Variants in NLN observed in about 807,000 individuals in gnomAD.
NLN encodes neurolysin, mitochondrial.
In NLN, 64 loss-of-function variants were observed where a neutral mutation model predicts 79.9. The observed-to-expected ratio is 0.80, with a 90% CI of 0.65 to 0.99. The LOEUF (loss-of-function observed/expected upper bound fraction) is 0.99, where lower values mean the gene tolerates loss of function less well. Among genes scored for constraint, NLN ranks in the 50% least tolerant of loss-of-function variants. NLN has a pLI of 0.00. For synonymous variants in NLN, 267 were observed against 296.6 expected, an observed-to-expected ratio of 0.90 and a Z score of 1.02; for missense variants, 835 against 858.7, an observed-to-expected ratio of 0.97 and a Z score of 0.34.
At chr5:65,820,722 T>TTTG (rs1554035365) in intron 12 of NLN, among the ~76,000 whole-genome samples, 24 of 151,216 alleles carry the variant, frequency 1.6e-4, no homozygotes, top group African/African-American at 3.4e-4. Context: ...ACATGTTTTT[T>TTTG]TTTGTTTGTT....
At chr5:65,798,179 T>A (rs1419307334) in intron 9 of NLN, among the ~76,000 whole-genome samples, 1 of 152,162 alleles carries the variant, frequency 6.6e-6, no homozygotes, top group Non-Finnish European at 1.5e-5. Flanking sequence ...CCAGGAAATA[T>A]ACACACTGCT....
intron 9 of NLN, among the ~76,000 whole-genome samples, chr5:65,803,584 A>G (rs1309855461): frequency 6.6e-6 from 1 of 152,018 alleles, no homozygotes; most frequent in Non-Finnish European, 1.5e-5. Flanking sequence ...AGCTGTAGCT[A>G]CACCCAGGAG....
chr5:65,795,706 A>T (rs1197704739), intron 9 of NLN, among the ~76,000 whole-genome samples: 2 of 152,078 alleles, frequency 1.3e-5, no homozygotes, highest in African/African-American at 4.8e-5. Flanking sequence ...AAATAAATAA[A>T]GTCTATTATC....
intron 1 of NLN, among the ~76,000 whole-genome samples, chr5:65,728,110 G>A (rs145078942): frequency 4.6e-5 from 7 of 152,196 alleles, no homozygotes; most frequent in African/African-American, 9.6e-5. Context: ...ACAGCAATGC[G>A]TGTTCATTAT....
At chr5:65,811,414 C>T (rs1402808113) in intron 11 of NLN, among the ~76,000 whole-genome samples, 3 of 152,108 alleles carry the variant, frequency 2.0e-5, no homozygotes, top group South Asian at 2.1e-4. Flanking sequence ...TGGTGGCTCA[C>T]GCCTGTAATC....
At chr5:65,792,810 C>T in intron 9 of NLN, 155 bp downstream of exon 9, 1 of 697,758 alleles carries the variant, frequency 1.4e-6, no homozygotes, top group Non-Finnish European at 2.6e-6. Context: ...TTTCCTTATC[C>T]TGTCCTCTTT....
At chr5:65,746,036 G>T (rs774892360) in intron 1 of NLN, among the ~76,000 whole-genome samples, 19 of 152,206 alleles carry the variant, frequency 1.2e-4, no homozygotes, top group Non-Finnish European at 2.1e-4. Flanking sequence ...CCAACAGGCA[G>T]TTGGTCATAT....
Position 65,763,077 on chromosome 5 carries a change from G to T in NLN, c.419G>T (p.Gly140Val), listed in dbSNP as rs140352014. ...SRFDIEMSMR[G>V]DIFERIVHLQ... The stretch of plus-strand genomic sequence containing the variant: ...TTTGATATTGAGATGAGCATGAGAG[G>T]AGATATATTTGAGAGAATTGTTCAT... The change falls in exon 3 of 13, where the codon GGA (glycine) becomes GTA (valine). Residue 140 changes from glycine (G) to valine (V), a missense_variant. Physicochemically the swap from Gly to Val is moderately radical, Grantham distance 109. Coordinates refer to ENST00000380985, the MANE Select transcript of NLN (RefSeq NM_020726.5). 2.4e-5 allele frequency: 38 copies of T among 1,613,708 alleles called. No individual in the cohort carries two copies. The African/African-American group carries it at 5.1e-4, about 22-fold the overall frequency.
At chr5:65,732,077 G>A (rs1561177046) in intron 1 of NLN, among the ~76,000 whole-genome samples, 2 of 151,994 alleles carry the variant, frequency 1.3e-5, no homozygotes, top group Non-Finnish European at 2.9e-5. Context: ...GTACTTTTAT[G>A]TTTCATTTTT....
At chr5:65,785,048 C>G (rs1296355984) in intron 6 of NLN, among the ~76,000 whole-genome samples, 2 of 152,136 alleles carry the variant, frequency 1.3e-5, no homozygotes, top group Non-Finnish European at 2.9e-5. Context: ...TATATATATA[C>G]CACATTTTGT....
intron 1 of NLN, among the ~76,000 whole-genome samples, chr5:65,754,333 C>T (rs906753570): frequency 2.6e-5 from 4 of 152,156 alleles, no homozygotes; most frequent in Non-Finnish European, 4.4e-5. Flanking sequence ...CATAAGTGTA[C>T]TCACACTTAG....
intron 3 of NLN, among the ~76,000 whole-genome samples, chr5:65,764,463 G>T (rs1304604113): frequency 6.6e-6 from 1 of 152,194 alleles, no homozygotes; most frequent in Non-Finnish European, 1.5e-5. Flanking sequence ...GGAGGCAGAG[G>T]TTGCAGTGAG....
intron 8 of NLN, among the ~76,000 whole-genome samples, chr5:65,790,077 A>G (rs1393767466): frequency 1.3e-5 from 2 of 152,206 alleles, no homozygotes; most frequent in East Asian, 1.9e-4. Context: ...TGTAATAACT[A>G]TAGATTCCAT....
At chr5:65,777,637 C>A (rs996652368) in intron 4 of NLN, 103 bp downstream of exon 4, 5 of 758,618 alleles carry the variant, frequency 6.6e-6, no homozygotes, top group African/African-American at 5.3e-5. Flanking sequence ...GCTCCACAGT[C>A]TGCAACTTTT....
intron 1 of NLN, among the ~76,000 whole-genome samples, chr5:65,752,799 C>T (rs1003562116): frequency 5.9e-5 from 9 of 152,146 alleles, no homozygotes; most frequent in South Asian, 2.1e-4. Flanking sequence ...TAAGGCATTC[C>T]GCTGTCACCA....
intron 2 of NLN, among the ~76,000 whole-genome samples, chr5:65,761,819 A>C (rs1759346688): frequency 6.6e-6 from 1 of 152,136 alleles, no homozygotes; most frequent in Non-Finnish European, 1.5e-5. Context: ...TATTTGTAAC[A>C]ATGTTTTAGG....
At chr5:65,737,348 C>A (rs115844587) in intron 1 of NLN, among the ~76,000 whole-genome samples, 24 of 152,118 alleles carry the variant, frequency 1.6e-4, no homozygotes, top group African/African-American at 5.3e-4. Context: ...GGTGAAGTTA[C>A]CAGACCCCTA....
At position 65,788,257 on chromosome 5, in the gene NLN, TCAGA is replaced by T; in HGVS notation, c.1103_1106del (p.Thr368ArgfsTer7). The T allele has an allele frequency of 1.2e-6, 2 of 1,614,128 alleles. No homozygotes were observed. Among genetic ancestry groups the T allele is most frequent in the Non-Finnish European group, 8.5e-7 (1 of 1,179,974 alleles). On this transcript the variant is annotated frameshift_variant, in exon 8 of 13. Coordinates refer to ENST00000380985, the MANE Select transcript of NLN (RefSeq NM_020726.5). LOFTEE classifies it high-confidence loss of function. ...CCTGGGATCTATATTACTACATGACTCAGACAGAGGAACTCAAGTATTCCATAGA... is the reference window on the plus strand; with the variant it reads ...CCTGGGATCTATATTACTACATGACTCAGAGGAACTCAAGTATTCCATAGA...
chr5:65,723,664 A>C (rs1218208265), intron 1 of NLN, among the ~76,000 whole-genome samples: 1 of 151,258 alleles, frequency 6.6e-6, no homozygotes, highest in Non-Finnish European at 1.5e-5. Context: ...AAATACAAAA[A>C]ATTAGCCGGG....
Sources: gnomAD v4.1 joint callset for allele counts (sites outside exome capture counted in the v4.1 genomes callset) on GRCh38, gnomAD v4.1.1 for gene constraint, MANE v1.5 for transcripts, NCBI Gene and HGNC (gene_info 2026-07-23, HGNC 2026-07-21) for gene names.